Variants in MACROD2 observed in about 807,000 individuals in gnomAD.
MACROD2 encodes ADP-ribose glycohydrolase MACROD2.
Under a neutral mutation model 70.4 loss-of-function variants are expected in MACROD2, and 36 were observed. The ratio of observed to expected loss-of-function variants is 0.51; its 90% CI spans 0.39 to 0.68. MACROD2 has a LOEUF of 0.68. Ranked by LOEUF, MACROD2 falls within the 30% of genes least tolerant of loss-of-function variation. MACROD2 has a pLI of 0.00. For synonymous variants in MACROD2, 172 were observed against 178.8 expected, an observed-to-expected ratio of 0.96 and a Z score of 0.30; for missense variants, 496 against 538.4, an observed-to-expected ratio of 0.92 and a Z score of 0.78.
chr20:14,802,777 T>TACACAAACACAC (rs1361927245), intron 5 of MACROD2, among the ~76,000 whole-genome samples: 3 of 148,326 alleles, frequency 2.0e-5, no homozygotes, highest in Non-Finnish European at 3.0e-5. Flanking sequence ...CATACACACA[T>TACACAAACACAC]ACACACACAC....
chr20:14,187,400 C>G (rs1343885904), intron 3 of MACROD2, among the ~76,000 whole-genome samples: 3 of 152,072 alleles, frequency 2.0e-5, no homozygotes, highest in Non-Finnish European at 4.4e-5. Context: ...TCAAAAGGAA[C>G]TGATTGGAAG....
chr20:14,592,603 G>T (rs556846052), intron 4 of MACROD2, among the ~76,000 whole-genome samples: 10 of 152,054 alleles, frequency 6.6e-5, no homozygotes, highest in African/African-American at 2.4e-4. Flanking sequence ...TTTTAAAAAA[G>T]ATTTTTGTAG....
At chr20:15,946,723 C>A (rs2065828619) in intron 12 of MACROD2, among the ~76,000 whole-genome samples, 1 of 152,160 alleles carries the variant, frequency 6.6e-6, no homozygotes, top group African/African-American at 2.4e-5. Flanking sequence ...GGATGAGAGA[C>A]TGAGAAAACA....
At chr20:14,345,920 A>G (rs2083058919) in intron 3 of MACROD2, among the ~76,000 whole-genome samples, 1 of 151,644 alleles carries the variant, frequency 6.6e-6, no homozygotes, top group Non-Finnish European at 1.5e-5. Context: ...AAAATATAAA[A>G]AATACTACTA....
intron 3 of MACROD2, among the ~76,000 whole-genome samples, chr20:14,138,927 T>C: frequency 6.6e-6 from 1 of 152,162 alleles, no homozygotes; most frequent in East Asian, 1.9e-4. Flanking sequence ...TTGTCAATTA[T>C]ACGTCAATAA....
At chr20:14,575,306 G>T (rs1980521445) in intron 4 of MACROD2, among the ~76,000 whole-genome samples, 1 of 151,964 alleles carries the variant, frequency 6.6e-6, no homozygotes, top group Admixed American at 6.6e-5. Context: ...TTACAGTTTT[G>T]CAAAACACTT....
chr20:15,999,993 C>A (rs182461139), intron 15 of MACROD2, among the ~76,000 whole-genome samples: 1 of 152,196 alleles, frequency 6.6e-6, no homozygotes, highest in Non-Finnish European at 1.5e-5. Flanking sequence ...TTGTTTTCCA[C>A]GTCATTTTAC....
intron 3 of MACROD2, among the ~76,000 whole-genome samples, chr20:14,362,182 A>C (rs1408472579): frequency 6.6e-6 from 1 of 152,246 alleles, no homozygotes; most frequent in Non-Finnish European, 1.5e-5. Flanking sequence ...AATATATCAT[A>C]TGTTAATAAT....
intron 6 of MACROD2, among the ~76,000 whole-genome samples, chr20:15,363,843 C>T (rs905988384): frequency 2.0e-5 from 3 of 152,128 alleles, no homozygotes; most frequent in Admixed American, 6.5e-5. Context: ...AACGGCTTCA[C>T]GATCCCATAT....
At chr20:14,064,901 T>A (rs1380651704) in intron 2 of MACROD2, among the ~76,000 whole-genome samples, 1 of 152,164 alleles carries the variant, frequency 6.6e-6, no homozygotes, top group East Asian at 1.9e-4. Flanking sequence ...TTCAAAGAAA[T>A]CTGGAAGAAA....
At chr20:15,665,989 T>TAAA (rs11484133) in intron 8 of MACROD2, among the ~76,000 whole-genome samples, 4 of 148,754 alleles carry the variant, frequency 2.7e-5, no homozygotes, top group Non-Finnish European at 3.0e-5. Flanking sequence ...GAGAAAATAG[T>TAAA]AAAAAAAAAA....
At chr20:15,188,360 A>T (rs2076547315) in intron 5 of MACROD2, among the ~76,000 whole-genome samples, 1 of 152,176 alleles carries the variant, frequency 6.6e-6, no homozygotes, top group African/African-American at 2.4e-5. Flanking sequence ...AATATCCATA[A>T]TGGCGTGTGT....
At chr20:15,793,515 G>T (rs905052687) in intron 8 of MACROD2, among the ~76,000 whole-genome samples, 1 of 151,820 alleles carries the variant, frequency 6.6e-6, no homozygotes, top group Non-Finnish European at 1.5e-5. Context: ...AGATTCTGGG[G>T]CATTTTAATT....
intron 4 of MACROD2, among the ~76,000 whole-genome samples, chr20:14,544,435 T>G (rs1414573542): frequency 6.6e-6 from 1 of 152,144 alleles, no homozygotes; most frequent in Non-Finnish European, 1.5e-5. Context: ...TGTCTCTCTT[T>G]TTTCGGCTAT....
chr20:15,082,431 C>A (rs2075711205), intron 5 of MACROD2, among the ~76,000 whole-genome samples: 1 of 151,514 alleles, frequency 6.6e-6, no homozygotes, highest in African/African-American at 2.4e-5. Context: ...ATTCTCCTAA[C>A]TCAATAACTT....
chr20:14,114,978 C>T (rs2054496911), intron 3 of MACROD2, among the ~76,000 whole-genome samples: 1 of 152,102 alleles, frequency 6.6e-6, no homozygotes, highest in Admixed American at 6.6e-5. Context: ...ATATTGCAGA[C>T]CTACAACCTT....
intron 17 of MACROD2, 37 bp downstream of exon 17, chr20:16,044,676 A>G: frequency 1.3e-6 from 2 of 1,561,762 alleles, no homozygotes; most frequent in Non-Finnish European, 1.8e-6. Context: ...TCAATGATCA[A>G]CCAGCCATAA....
chr20:14,076,495 A>G (rs1051402979), intron 2 of MACROD2, among the ~76,000 whole-genome samples: 1 of 151,886 alleles, frequency 6.6e-6, no homozygotes, highest in South Asian at 2.1e-4. Flanking sequence ...ACCAAAAAAA[A>G]AACCCCAAAC....
intron 8 of MACROD2, among the ~76,000 whole-genome samples, chr20:15,616,465 C>T (rs1396065253): frequency 6.6e-6 from 1 of 152,098 alleles, no homozygotes; most frequent in East Asian, 1.9e-4. Flanking sequence ...AGAAGAGTTC[C>T]TTTACATTTG....
Sources: gnomAD v4.1 joint callset for allele counts (sites outside exome capture counted in the v4.1 genomes callset) on GRCh38, gnomAD v4.1.1 for gene constraint, MANE v1.5 for transcripts, NCBI Gene and HGNC (gene_info 2026-07-23, HGNC 2026-07-21) for gene names.